Variants in PRR5L observed in about 807,000 individuals in gnomAD.
PRR5L encodes the protein proline rich 5 like.
A neutral mutation model predicts 36.4 loss-of-function variants in PRR5L; 21 were observed. The ratio of observed to expected loss-of-function variants is 0.58; its 90% CI spans 0.41 to 0.83. The LOEUF (loss-of-function observed/expected upper bound fraction) is 0.83. PRR5L is among the 40% of genes least tolerant of loss of function. PRR5L has a pLI of 0.00. For synonymous variants in PRR5L, 188 were observed against 197.0 expected, an observed-to-expected ratio of 0.95 and a Z score of 0.38; for missense variants, 381 against 473.3, an observed-to-expected ratio of 0.80 and a Z score of 1.81.
chr11:36,392,005 C>A (rs1350049914), intron 1 of PRR5L, among the ~76,000 whole-genome samples: 2 of 152,180 alleles, frequency 1.3e-5, no homozygotes, highest in African/African-American at 4.8e-5. Flanking sequence ...CATCATTTTC[C>A]TGTCTCCGTG....
chr11:36,326,589 G>C (rs529136455), intron 1 of PRR5L, among the ~76,000 whole-genome samples: 1 of 152,088 alleles, frequency 6.6e-6, no homozygotes, highest in African/African-American at 2.4e-5. Flanking sequence ...TTGATTTGAA[G>C]ACCCTGGGTC....
intron 1 of PRR5L, among the ~76,000 whole-genome samples, chr11:36,311,577 C>G (rs970739792): frequency 3.9e-5 from 6 of 152,130 alleles, no homozygotes; most frequent in Non-Finnish European, 8.8e-5. Context: ...CACTAATGCT[C>G]TATGTATGGG....
At chr11:36,330,202 T>C (rs1026881462) in intron 1 of PRR5L, among the ~76,000 whole-genome samples, 2 of 152,324 alleles carry the variant, frequency 1.3e-5, no homozygotes, top group Middle Eastern at 3.4e-3. Flanking sequence ...TACAGACATA[T>C]AATCTACTAA....
chr11:36,434,711 G>A (rs1858569723), intron 5 of PRR5L, among the ~76,000 whole-genome samples: 1 of 152,144 alleles, frequency 6.6e-6, no homozygotes, highest in African/African-American at 2.4e-5. Context: ...TTTTTGCAGG[G>A]AGCTAAGTCC....
intron 4 of PRR5L, chr11:36,425,303 T>G (rs1466290451): frequency 6.6e-6 from 1 of 152,220 alleles, no homozygotes; most frequent in Non-Finnish European, 1.5e-5. Flanking sequence ...GGGTTATTTG[T>G]CTAAGATACA....
At chr11:36,460,469 TG>T (rs1329230649) in intron 8 of PRR5L, among the ~76,000 whole-genome samples, 4 of 152,132 alleles carry the variant, frequency 2.6e-5, no homozygotes, top group Non-Finnish European at 5.9e-5. Context: ...CTCTTAGTTG[TG>T]GGGTTCTGTA....
chr11:36,301,142 C>G (rs1020296865), intron 1 of PRR5L: 1 of 152,310 alleles, frequency 6.6e-6, no homozygotes, highest in Admixed American at 6.6e-5. Flanking sequence ...GCTTGGAGAT[C>G]TATGGATGGT....
rs1249997687 is a variant in PRR5L, at chr11:36,446,314, T to C, written c.459T>C (p.Thr153=). ...GTCCCCTCTAGGGCCAGGAGCTGACTATCCGCCAGATCTCCCTGCTGGGCT... is the reference window on the plus strand; with the variant it reads ...GTCCCCTCTAGGGCCAGGAGCTGACCATCCGCCAGATCTCCCTGCTGGGCT... ...IFYPVQGQEL[T]IRQISLLGFR... The change falls in exon 7 of 9, where the codon ACT becomes ACC. Residue 153 remains threonine, a synonymous_variant. Transcript: ENST00000530639. 10 of 1,613,832 alleles carry C rather than the reference T, an allele frequency of 6.2e-6. No individual in the cohort carries two copies. Among genetic ancestry groups the C allele is most frequent in the African/African-American group, 2.7e-5 (2 of 74,932 alleles).
intron 3 of PRR5L, among the ~76,000 whole-genome samples, chr11:36,406,830 T>C (rs1019930226): frequency 7.2e-5 from 11 of 152,310 alleles, no homozygotes; most frequent in Admixed American, 6.5e-4. Flanking sequence ...GCAAGAGGGT[T>C]TGTGCTAAGT....
intron 5 of PRR5L, among the ~76,000 whole-genome samples, chr11:36,432,153 G>GTTT (rs201741066): frequency 9.0e-4 from 7 of 7,794 alleles, no homozygotes; most frequent in Non-Finnish European, 2.0e-3. Flanking sequence ...CTTGTTCAGG[G>GTTT]TTTTTTTTTG....
chr11:36,331,091 C>G (rs149605262), intron 1 of PRR5L, among the ~76,000 whole-genome samples: 1 of 152,282 alleles, frequency 6.6e-6, no homozygotes, highest in East Asian at 1.9e-4. Flanking sequence ...CAGGCATGAG[C>G]CACCACACCT....
At chr11:36,458,331 C>A (rs1859108555) in intron 8 of PRR5L, among the ~76,000 whole-genome samples, 1 of 152,208 alleles carries the variant, frequency 6.6e-6, no homozygotes, top group South Asian at 2.1e-4. Flanking sequence ...AGAAACGGGG[C>A]TGAGCCTCAG....
intron 1 of PRR5L, among the ~76,000 whole-genome samples, chr11:36,390,820 G>A (rs1318425865): frequency 6.6e-6 from 1 of 152,172 alleles, no homozygotes; most frequent in African/African-American, 2.4e-5. Context: ...CATGTCAAGT[G>A]CCCGCCTCAC....
At chr11:36,449,088 C>A (rs1858892295) in intron 7 of PRR5L, among the ~76,000 whole-genome samples, 1 of 152,200 alleles carries the variant, frequency 6.6e-6, no homozygotes, top group African/African-American at 2.4e-5. Flanking sequence ...TTGCCTTTGG[C>A]CCATGTTCTT....
chr11:36,315,264 A>G (rs1251306239), intron 1 of PRR5L, among the ~76,000 whole-genome samples: 1 of 152,232 alleles, frequency 6.6e-6, no homozygotes, highest in Admixed American at 6.5e-5. Context: ...AGTCTAGTCC[A>G]ATGTAAGAAT....
At chr11:36,434,399 C>T (rs11033617) in intron 5 of PRR5L, among the ~76,000 whole-genome samples, 40,438 of 152,054 alleles carry the variant, frequency 0.27, 5,667 homozygotes, top group East Asian at 0.51. Flanking sequence ...TAATATGATC[C>T]GTCCAGTCAC....
intron 1 of PRR5L, among the ~76,000 whole-genome samples, chr11:36,343,180 T>C (rs2133482126): frequency 6.6e-6 from 1 of 152,338 alleles, no homozygotes; most frequent in South Asian, 2.1e-4. Context: ...GAATTCCATG[T>C]TGATCAGAAA....
At chr11:36,407,581 G>C (rs1307168412) in intron 3 of PRR5L, among the ~76,000 whole-genome samples, 1 of 152,156 alleles carries the variant, frequency 6.6e-6, no homozygotes, top group Non-Finnish European at 1.5e-5. Context: ...GACTTTTTCA[G>C]TTCTCCATTC....
At chr11:36,454,056 G>C (rs1490488775) in intron 8 of PRR5L, 1 of 152,384 alleles carries the variant, frequency 6.6e-6, no homozygotes, top group Non-Finnish European at 1.5e-5. Context: ...CTGGACCATG[G>C]AGCAGACACT....
Sources: gnomAD v4.1 joint callset for allele counts (sites outside exome capture counted in the v4.1 genomes callset) on GRCh38, gnomAD v4.1.1 for gene constraint, MANE v1.5 for transcripts, NCBI Gene and HGNC (gene_info 2026-07-23, HGNC 2026-07-21) for gene names.